Variants in RBFOX1 observed in about 807,000 individuals in gnomAD.
RBFOX1 encodes RNA binding protein fox-1 homolog 1.
Under a neutral mutation model 57.7 loss-of-function variants are expected in RBFOX1, and 8 were observed. The observed-to-expected ratio is 0.14, with a 90% confidence interval of 0.08 to 0.25. The LOEUF (loss-of-function observed/expected upper bound fraction) is 0.25, where lower values mean the gene tolerates loss of function less well. Among genes scored for constraint, RBFOX1 ranks in the 10% least tolerant of loss-of-function variants. The probability of loss-of-function intolerance (pLI) is 1.00; values close to 1 mark genes in which losing one functional copy is unlikely to be tolerated. For synonymous variants in RBFOX1, 326 were observed against 222.4 expected (o/e 1.47, Z -4.15); for missense variants, 611 against 548.5 (o/e 1.11, Z -1.14).
intron 4 of RBFOX1, among the ~76,000 whole-genome samples, chr16:7,169,030 G>A (rs894546478): frequency 1.1e-4 from 16 of 152,146 alleles, no homozygotes; most frequent in Non-Finnish European, 1.6e-4. Context: ...TAGATTTATA[G>A]ACAGTGTTTG....
intron 3 of RBFOX1, among the ~76,000 whole-genome samples, chr16:6,780,133 A>C (rs1201212081): frequency 2.1e-5 from 1 of 48,276 alleles, no homozygotes; most frequent in Non-Finnish European, 3.0e-5. Flanking sequence ...ATATATATTT[A>C]TATATTTATA....
intron 11 of RBFOX1, among the ~76,000 whole-genome samples, chr16:7,649,550 G>A (rs779620118): frequency 6.6e-6 from 1 of 151,936 alleles, no homozygotes; most frequent in African/African-American, 2.4e-5. Flanking sequence ...TGGTTGTGTT[G>A]CTTGCATGCT....
At chr16:6,781,043 G>A (rs2080932333) in intron 3 of RBFOX1, among the ~76,000 whole-genome samples, 1 of 152,044 alleles carries the variant, frequency 6.6e-6, no homozygotes, top group Non-Finnish European at 1.5e-5. Context: ...TGTGCATTTG[G>A]TGGCTTACTC....
At chr16:5,476,584 G>A (rs1293117920) in intron 2 of RBFOX1, among the ~76,000 whole-genome samples, 1 of 152,158 alleles carries the variant, frequency 6.6e-6, no homozygotes. Context: ...CATCTTACCG[G>A]GTCATTGTGG....
intron 4 of RBFOX1, among the ~76,000 whole-genome samples, chr16:7,132,519 C>T (rs571195283): frequency 5.4e-5 from 8 of 149,134 alleles, no homozygotes; most frequent in African/African-American, 2.0e-4. Flanking sequence ...CAAATGTATT[C>T]AGGTATAAGT....
intron 3 of RBFOX1, among the ~76,000 whole-genome samples, chr16:6,944,286 T>C (rs1225357849): frequency 6.6e-6 from 1 of 150,652 alleles, no homozygotes; most frequent in East Asian, 2.0e-4. Context: ...TCCCAGCTAG[T>C]CAGGAGGCTG....
At chr16:6,145,591 T>C (rs1281458854) in intron 1 of RBFOX1, among the ~76,000 whole-genome samples, 3 of 152,226 alleles carry the variant, frequency 2.0e-5, no homozygotes, top group Non-Finnish European at 4.4e-5. Context: ...TCCTTTGGCA[T>C]ATTTCATTTT....
chr16:6,885,277 A>G (rs747557632), intron 3 of RBFOX1, among the ~76,000 whole-genome samples: 18 of 152,204 alleles, frequency 1.2e-4, no homozygotes, highest in Non-Finnish European at 2.2e-4. Context: ...GAAACTTGCT[A>G]CAGACGCGTG....
chr16:7,076,595 C>G (rs562134209), intron 4 of RBFOX1, among the ~76,000 whole-genome samples: 11 of 152,300 alleles, frequency 7.2e-5, no homozygotes, highest in African/African-American at 2.6e-4. Context: ...CTTCAAATTA[C>G]TGCTTTAGCA....
chr16:7,423,093 A>AAGAGAG (rs56239071), intron 4 of RBFOX1: 1 of 144,886 alleles, frequency 6.9e-6, no homozygotes, highest in African/African-American at 2.6e-5. Flanking sequence ...ATGAGGGAGA[A>AAGAGAG]AGAGAGAGAG....
chr16:5,654,684 C>G (rs2049366889), intron 3 of RBFOX1, among the ~76,000 whole-genome samples: 1 of 152,142 alleles, frequency 6.6e-6, no homozygotes, highest in Non-Finnish European at 1.5e-5. Context: ...CGAGACTGAC[C>G]AAGTCTGGGT....
At chr16:7,359,605 G>C (rs1422499632) in intron 4 of RBFOX1, among the ~76,000 whole-genome samples, 4 of 152,162 alleles carry the variant, frequency 2.6e-5, no homozygotes, top group Non-Finnish European at 5.9e-5. Flanking sequence ...TTAAACCACT[G>C]TTTGCTTCCC....
Position 6,575,032 on chromosome 16 carries a change from C to T in RBFOX1, c.-63-79571C>T, listed in dbSNP as rs190251300. 3.6e-3 allele frequency among the ~76,000 whole-genome samples: 334 copies of T among 93,530 alleles called. 2 individuals carry two copies. Among genetic ancestry groups the T allele is most frequent in the African/African-American group, 0.011 (306 of 28,466 alleles). 61.4% of individuals were successfully genotyped at this position (93,530 alleles called of 152,430 possible). ...CAGCTTGGGGGACAGAGCGAGACTC[C>T]GTCTCAATTAAAAAAAAAAAAAAAA... On this transcript the variant is annotated intron_variant, in intron 2 of 15. Coordinates refer to ENST00000550418, the MANE Select transcript of RBFOX1 (RefSeq NM_018723.4).
rs1567535928 is a variant in RBFOX1 at position 5,454,958 on chromosome 16, C to CTTTCTTT, written c.220-12258_220-12257insTTTCTTT. Among the ~76,000 whole-genome samples, 79 of 30,396 alleles carry CTTTCTTT rather than the reference C, an allele frequency of 2.6e-3. 2 individuals carry two copies. The highest frequency in any genetic ancestry group is 6.2e-3 in the African/African-American group (42 of 6,826). The allele number at this position is 30,396 out of a possible 152,430, so 19.9% of individuals were successfully genotyped here. On this transcript the variant is annotated intron_variant, in intron 1 of 2. Transcript: ENST00000585867. The stretch of plus-strand genomic sequence containing the variant: ...TCCTTCCTTCCTTCCTTCCTTCCTT[C>CTTTCTTT]CTTTCTTTCTTTCTTTCTTTCTTTC...
chr16:6,202,789 C>A (rs1273010400), intron 1 of RBFOX1, among the ~76,000 whole-genome samples: 2 of 151,950 alleles, frequency 1.3e-5, no homozygotes, highest in African/African-American at 4.8e-5. Flanking sequence ...ATTGATTTTT[C>A]TTTTCATTTT....
intron 4 of RBFOX1, among the ~76,000 whole-genome samples, chr16:7,125,694 C>CT (rs879420601): frequency 4.0e-4 from 59 of 146,858 alleles, no homozygotes; most frequent in South Asian, 1.9e-3. Flanking sequence ...AAATTTAACA[C>CT]TTTTTTTTTT....
chr16:7,419,271 TTAC>T (rs1005704060), intron 4 of RBFOX1, among the ~76,000 whole-genome samples: 7 of 152,256 alleles, frequency 4.6e-5, no homozygotes, highest in Admixed American at 4.6e-4. Context: ...CCTTGTCCCT[TTAC>T]CTGTTGTTCC....
At chr16:6,140,310 G>T (rs1264507838) in intron 1 of RBFOX1, among the ~76,000 whole-genome samples, 1 of 151,814 alleles carries the variant, frequency 6.6e-6, no homozygotes, top group East Asian at 1.9e-4. Flanking sequence ...TCCTGCTTCA[G>T]CCCCATGAGT....
chr16:6,167,667 T>C (rs868139840), intron 1 of RBFOX1, among the ~76,000 whole-genome samples: 1 of 152,190 alleles, frequency 6.6e-6, no homozygotes, highest in South Asian at 2.1e-4. Context: ...ACTTTTAAAA[T>C]GCAATGTCCA....
Sources: gnomAD v4.1 joint callset for allele counts (sites outside exome capture counted in the v4.1 genomes callset) on GRCh38, gnomAD v4.1.1 for gene constraint, MANE v1.5 for transcripts, NCBI Gene and HGNC (gene_info 2026-07-23, HGNC 2026-07-21) for gene names.